ZFAT: variants seen among roughly 807,000 people sequenced by gnomAD.
The protein encoded by ZFAT is zinc finger protein ZFAT.
ZFAT carries 64 observed loss-of-function variants against 117.7 expected under a neutral mutation model. The observed-to-expected ratio is 0.54, with a 90% CI of 0.44 to 0.67. The LOEUF (loss-of-function observed/expected upper bound fraction) is 0.67. Among genes scored for constraint, ZFAT ranks in the 30% least tolerant of loss-of-function variants. The pLI is 0.00. For missense variants in ZFAT, 1,433 were observed against 1,584.5 expected (o/e 0.90, Z 1.62); for synonymous variants, 679 against 615.0 (o/e 1.10, Z -1.54).
intron 3 of ZFAT, among the ~76,000 whole-genome samples, chr8:134,626,095 C>T (rs1191025519): frequency 6.6e-6 from 1 of 152,178 alleles, no homozygotes; most frequent in Non-Finnish European, 1.5e-5. Flanking sequence ...TCTGCCCCTG[C>T]AAAAGGCCCT....
At chr8:134,672,560 A>T (rs1326354906) in intron 1 of ZFAT, among the ~76,000 whole-genome samples, 1 of 151,466 alleles carries the variant, frequency 6.6e-6, no homozygotes, top group Admixed American at 6.6e-5. Context: ...GTATAATAAT[A>T]AAAAAAAAGA....
intron 15 of ZFAT, among the ~76,000 whole-genome samples, chr8:134,485,882 T>C (rs1188816015): frequency 2.0e-5 from 3 of 152,222 alleles, no homozygotes; most frequent in Admixed American, 2.0e-4. Flanking sequence ...TGGAATACGA[T>C]AAACACCACA....
chr8:134,760,273 G>GAAAAAAAAAA, the ZFAT span, among the ~76,000 whole-genome samples: 14 of 128,724 alleles, frequency 1.1e-4, no homozygotes, highest in South Asian at 2.5e-4. Flanking sequence ...GTCTCAAAAA[G>GAAAAAAAAAA]AAAAAAAAAA....
intron 10 of ZFAT, among the ~76,000 whole-genome samples, chr8:134,568,354 C>T (rs759293673): frequency 6.6e-6 from 1 of 152,156 alleles, no homozygotes; most frequent in Non-Finnish European, 1.5e-5. Flanking sequence ...CAGGGCCACA[C>T]ATTTCTACAC....
chr8:134,562,051 C>T (rs1824091119), intron 11 of ZFAT, among the ~76,000 whole-genome samples: 1 of 152,222 alleles, frequency 6.6e-6, no homozygotes, highest in African/African-American at 2.4e-5. Flanking sequence ...TGTGGGTTAT[C>T]TCAGTGGGTT....
the ZFAT span, among the ~76,000 whole-genome samples, chr8:134,820,789 A>G: frequency 6.6e-6 from 1 of 152,224 alleles, no homozygotes; most frequent in Non-Finnish European, 1.5e-5. Context: ...AGCAATAAAT[A>G]TTTTTGAAAT....
Position 134,657,659 on chromosome 8 carries a change from T to G in ZFAT, c.98A>C (p.Glu33Ala). The change falls in exon 2 of 16, where the codon GAG (glutamate) becomes GCG (alanine). Residue 33 changes from glutamate to alanine, a missense_variant. By Grantham distance (107) the Glu-to-Ala change is moderately radical. Around this residue, in one of 5 missense-constraint regions of ZFAT, gnomAD observed 436 missense variants for 482.0 expected, o/e 0.90. Coordinates refer to ENST00000377838, the MANE Select transcript of ZFAT (RefSeq NM_020863.4). The stretch of plus-strand genomic sequence containing the variant: ...ATTAACCCCTTCTTCCATGTGCTTC[T>G]CTGAAACGTGGGAGAGGAGTTCCGA... ...NQSELLSHVS[E>A]KHMEEGVNVD... 1 of 1,614,098 alleles carries G rather than the reference T, an allele frequency of 6.2e-7. No homozygotes were observed. The highest frequency in any genetic ancestry group is 8.5e-7 in the Non-Finnish European group (1 of 1,180,014).
intron 1 of ZFAT, among the ~76,000 whole-genome samples, chr8:134,705,062 G>A (rs1015144287): frequency 2.0e-5 from 3 of 151,974 alleles, no homozygotes; most frequent in Non-Finnish European, 2.9e-5. Flanking sequence ...AAGACAAATA[G>A]GTAAGCAGAA....
rs377379211 is a variant in ZFAT, at chr8:134,676,787, G to GA, written c.20-19051dup. 6.2e-4 allele frequency among the ~76,000 whole-genome samples: 94 copies of GA among 152,324 alleles called. 1 individual carries two copies. The highest frequency in any genetic ancestry group is 2.1e-3 in the African/African-American group (88 of 41,566). ...CAATCAAATTAGAACTCAGGATTAA[G>GA]AAACTCACTCAAAACCGCTCAATTA... On this transcript the variant is annotated intron_variant, in intron 1 of 15. Coordinates refer to ENST00000377838, the MANE Select transcript of ZFAT (RefSeq NM_020863.4).
intron 13 of ZFAT, among the ~76,000 whole-genome samples, chr8:134,517,007 T>C (rs1319388818): frequency 6.6e-6 from 1 of 152,216 alleles, no homozygotes; most frequent in Non-Finnish European, 1.5e-5. Flanking sequence ...GAATTAAACA[T>C]ATTTTATGTG....
chr8:134,642,147 C>T (rs904245245), intron 2 of ZFAT, among the ~76,000 whole-genome samples: 1 of 152,188 alleles, frequency 6.6e-6, no homozygotes, highest in Non-Finnish European at 1.5e-5. Context: ...AGTGGCTTGG[C>T]GCATCTTCCA....
At chr8:134,764,045 C>A in the ZFAT span, among the ~76,000 whole-genome samples, 1 of 152,218 alleles carries the variant, frequency 6.6e-6, no homozygotes, top group Non-Finnish European at 1.5e-5. Context: ...ATCCCCAAGG[C>A]CCTTGCCAGC....
At chr8:134,664,332 G>A (rs760032586) in intron 1 of ZFAT, among the ~76,000 whole-genome samples, 156 of 152,276 alleles carry the variant, frequency 1.0e-3, no homozygotes, top group South Asian at 3.1e-3. Flanking sequence ...CCTGTCCAGG[G>A]TCAGCGCCAG....
At chr8:134,813,794 GATTTTATACACACAC>G in the ZFAT span, among the ~76,000 whole-genome samples, 1 of 116,848 alleles carries the variant, frequency 8.6e-6, no homozygotes, top group African/African-American at 3.3e-5. Flanking sequence ...ATGCCGTTTT[GATTTTATACACACAC>G]ACACACACAC....
chr8:134,633,418 A>G (rs1420402910), intron 3 of ZFAT, among the ~76,000 whole-genome samples: 1 of 152,266 alleles, frequency 6.6e-6, no homozygotes, highest in Non-Finnish European at 1.5e-5. Context: ...ATAATAATAA[A>G]TCTGAAATGC....
At chr8:134,740,619 G>T in the ZFAT span, among the ~76,000 whole-genome samples, 3 of 152,056 alleles carry the variant, frequency 2.0e-5, no homozygotes, top group African/African-American at 7.2e-5. Context: ...TCTTTTCCAG[G>T]ATAGGTCAAC....
chr8:134,519,373 T>C (rs1820476922), intron 13 of ZFAT, among the ~76,000 whole-genome samples: 1 of 152,226 alleles, frequency 6.6e-6, no homozygotes, highest in Non-Finnish European at 1.5e-5. Context: ...AGATTTATCT[T>C]GGTTTTGTTT....
chr8:134,648,756 AAG>A (rs1467492016), intron 2 of ZFAT, among the ~76,000 whole-genome samples: 1 of 152,196 alleles, frequency 6.6e-6, no homozygotes, highest in East Asian at 1.9e-4. Flanking sequence ...CAAAAAATAG[AAG>A]AGGAGGGAAC....
rs144921255 is a variant in ZFAT, at chr8:134,509,333, C to A, written c.3492+286G>T. Among the ~76,000 whole-genome samples the A allele has an allele frequency of 3.3e-5, 5 of 152,278 alleles. No homozygotes were observed. In the East Asian group the frequency reaches 9.6e-4, roughly 29 times the overall value. ...AGAGATGTGTCTCAATGGTCCACAT[C>A]ATGCTCATTTTCACTCTGGGACTCT... is the stretch of plus-strand genomic sequence containing the variant. On this transcript the variant is annotated intron_variant, in intron 15 of 15. Transcript: ENST00000377838.
Sources: allele counts gnomAD v4.1 joint callset (sites outside exome capture counted in the v4.1 genomes callset), GRCh38; gene constraint gnomAD v4.1.1; regional missense constraint gnomAD v4.1.1; transcripts MANE v1.5; gene names NCBI Gene and HGNC (gene_info 2026-07-23, HGNC 2026-07-21).